TBXAS1: variants seen among roughly 807,000 people sequenced by gnomAD.
TBXAS1 encodes the protein thromboxane-A synthase.
Under a neutral mutation model 60.7 loss-of-function variants are expected in TBXAS1, and 48 were observed. The observed-to-expected ratio is 0.79, with a 90% CI of 0.63 to 1.01. The LOEUF (loss-of-function observed/expected upper bound fraction) is 1.01, where lower values mean the gene tolerates loss of function less well. Ranked by LOEUF, TBXAS1 falls within the 50% of genes least tolerant of loss-of-function variation. The probability of loss-of-function intolerance (pLI) is 0.00; values close to 1 mark genes in which losing one functional copy is unlikely to be tolerated. For synonymous variants in TBXAS1, 287 were observed against 269.7 expected (o/e 1.06, Z -0.63); for missense variants, 685 against 686.3 (o/e 1.00, Z 0.02).
At chr7:139,894,923 A>G (rs1237409041) in intron 3 of TBXAS1, among the ~76,000 whole-genome samples, 1 of 152,238 alleles carries the variant, frequency 6.6e-6, no homozygotes, top group Non-Finnish European at 1.5e-5. Context: ...TTTCCCAAAG[A>G]AAGCTGACAT....
intron 9 of TBXAS1, among the ~76,000 whole-genome samples, chr7:140,001,723 T>C (rs1418250337): frequency 1.3e-5 from 2 of 152,126 alleles, no homozygotes; most frequent in African/African-American, 2.4e-5. Flanking sequence ...ATGACCACAA[T>C]ACCATTATCA....
intron 4 of TBXAS1, among the ~76,000 whole-genome samples, chr7:139,788,977 A>G (rs994155232): frequency 1.3e-5 from 2 of 151,972 alleles, no homozygotes; most frequent in African/African-American, 4.9e-5. Flanking sequence ...AATAAGGGCT[A>G]TAAGATTTTG....
intron 5 of TBXAS1, among the ~76,000 whole-genome samples, chr7:139,941,410 A>G (rs1298212862): frequency 6.8e-6 from 1 of 146,126 alleles, no homozygotes; most frequent in Non-Finnish European, 1.5e-5. Context: ...TCATGAAGCC[A>G]TATTTGTATT....
At chr7:139,990,244 A>C (rs1585017761) in intron 9 of TBXAS1, among the ~76,000 whole-genome samples, 1 of 152,186 alleles carries the variant, frequency 6.6e-6, no homozygotes, top group African/African-American at 2.4e-5. Context: ...CCCCGAGGCC[A>C]TCTGAAAGTG....
chr7:139,876,181 A>G (rs1363864656), intron 3 of TBXAS1, among the ~76,000 whole-genome samples: 4 of 152,178 alleles, frequency 2.6e-5, no homozygotes, highest in Non-Finnish European at 4.4e-5. Flanking sequence ...ACCTAAGACT[A>G]TCCCGGATAT....
At position 139,965,888 on chromosome 7, in the gene TBXAS1, AT is replaced by A. The variant is rs570672163; in HGVS notation, c.1134+3669del. On this transcript the variant is annotated intron_variant, in intron 9 of 12. Coordinates refer to ENST00000448866, the MANE Select transcript of TBXAS1 (RefSeq NM_001061.7). ...TTTCTTTCCTTCTTTTATTTTTTTA[AT>A]TTTTTTTTTTTTTACTATAATCAGA... is the stretch of plus-strand genomic sequence containing the variant. 6.5e-3 allele frequency among the ~76,000 whole-genome samples: 900 copies of A among 138,798 alleles called. 4 individuals carry two copies. The highest frequency in any genetic ancestry group is 9.7e-3 in the Admixed American group (135 of 13,980). 91.1% of individuals were successfully genotyped at this position (138,798 alleles called of 152,430 possible).
chr7:139,885,582 T>C (rs1584765989), intron 3 of TBXAS1, among the ~76,000 whole-genome samples: 1 of 152,228 alleles, frequency 6.6e-6, no homozygotes, highest in Non-Finnish European at 1.5e-5. Context: ...CTCTTCACTC[T>C]GATTGAGAAT....
intron 4 of TBXAS1, among the ~76,000 whole-genome samples, chr7:139,933,753 T>C (rs1401073724): frequency 6.6e-6 from 1 of 151,600 alleles, no homozygotes; most frequent in Non-Finnish European, 1.5e-5. Context: ...GATGACTGGC[T>C]TCATGTTTCA....
intron 1 of TBXAS1, among the ~76,000 whole-genome samples, chr7:139,870,664 A>G (rs1042774889): frequency 6.6e-6 from 1 of 152,208 alleles, no homozygotes; most frequent in Non-Finnish European, 1.5e-5. Context: ...ACATGGACCT[A>G]AATGTGACGT....
At chr7:139,935,775 C>T (rs1177500601) in intron 4 of TBXAS1, among the ~76,000 whole-genome samples, 1 of 151,770 alleles carries the variant, frequency 6.6e-6, no homozygotes, top group Non-Finnish European at 1.5e-5. Flanking sequence ...CCAACCTAAC[C>T]AATCCAGTCA....
At chr7:139,976,203 C>G (rs760318419) in intron 9 of TBXAS1, among the ~76,000 whole-genome samples, 1 of 152,252 alleles carries the variant, frequency 6.6e-6, no homozygotes, top group Non-Finnish European at 1.5e-5. Flanking sequence ...GAGTCACTCT[C>G]CTCCCACTCC....
chr7:139,904,277 G>A (rs201044310), intron 3 of TBXAS1, among the ~76,000 whole-genome samples: 2 of 151,816 alleles, frequency 1.3e-5, no homozygotes, highest in South Asian at 2.1e-4. Context: ...TTTATTTCTG[G>A]GTTCTCTATT....
chr7:139,813,083 TAAAATAA>T (rs1327551189), intron 4 of TBXAS1, among the ~76,000 whole-genome samples: 16 of 5,280 alleles, frequency 3.0e-3, no homozygotes, highest in Admixed American at 6.1e-3. Context: ...ATAAATAAAA[TAAAATAA>T]AATAAAATAA....
rs151097708 is a variant in TBXAS1, at chr7:139,922,303, T to G, written c.333+10982T>G. Among the ~76,000 whole-genome samples, 8 of 152,222 alleles carry G rather than the reference T, an allele frequency of 5.3e-5. 1 individual carries two copies. In the Middle Eastern group the frequency reaches 0.01, roughly 194 times the overall value. ...TTTTAGCAGAGACGGAGTTTCTGCA[T>G]GTTGGTCAGGTTGGTCTCGAATTCC... On this transcript the variant is annotated intron_variant, in intron 4 of 12. Transcript: ENST00000448866.
At chr7:139,829,591 G>A (rs1480587457) in intron 1 of TBXAS1, 112 bp downstream of exon 1, 1 of 973,356 alleles carries the variant, frequency 1.0e-6, no homozygotes, top group Non-Finnish European at 1.6e-6. Context: ...TTCTAATCTA[G>A]CGGGAGTGAG....
chr7:139,866,651 C>T lies in TBXAS1; in HGVS notation c.90-5584C>T, dbSNP rs184764380. Among the ~76,000 whole-genome samples, 443 of 151,190 alleles carry T rather than the reference C, an allele frequency of 2.9e-3. 1 individual carries two copies. The highest frequency in any genetic ancestry group is 4.7e-3 in the Admixed American group (71 of 15,130). Reference sequence around the variant, plus strand: ...CGCACACCTGTAGTCCCAGCTACTTCGGAGGCTGAGGTGAGAGGATCACTT... The same window carrying T: ...CGCACACCTGTAGTCCCAGCTACTTTGGAGGCTGAGGTGAGAGGATCACTT... On this transcript the variant is annotated intron_variant, in intron 1 of 12. Transcript: ENST00000448866.
chr7:139,888,009 C>G (rs1001963308), intron 3 of TBXAS1, among the ~76,000 whole-genome samples: 7 of 152,140 alleles, frequency 4.6e-5, no homozygotes, highest in African/African-American at 1.4e-4. Flanking sequence ...GCCCTGGATC[C>G]CAACTGGTCA....
rs182216726 is a variant in TBXAS1 at position 139,977,323 on chromosome 7, A to G, written c.1134+15090A>G. Among the ~76,000 whole-genome samples, 30 of 152,334 alleles carry G rather than the reference A, an allele frequency of 2.0e-4. No individual in the cohort carries two copies. In the East Asian group the frequency reaches 5.6e-3, roughly 28 times the overall value. Reference sequence around the variant, plus strand: ...ACATCTTACGTGGATGGCGGCAGGCAAAGAGACAGCTTTTGCAGGGAAACT... The same window carrying G: ...ACATCTTACGTGGATGGCGGCAGGCGAAGAGACAGCTTTTGCAGGGAAACT... On this transcript the variant is annotated intron_variant, in intron 9 of 12. Transcript: ENST00000448866.
intron 12 of TBXAS1, among the ~76,000 whole-genome samples, chr7:140,019,347 G>T (rs1158368184): frequency 6.6e-6 from 1 of 152,176 alleles, no homozygotes; most frequent in Non-Finnish European, 1.5e-5. Flanking sequence ...CACGTGTGCG[G>T]GGCTTGTCTC....
Sources: gnomAD v4.1 joint callset for allele counts (sites outside exome capture counted in the v4.1 genomes callset) on GRCh38, gnomAD v4.1.1 for gene constraint, MANE v1.5 for transcripts, NCBI Gene and HGNC (gene_info 2026-07-23, HGNC 2026-07-21) for gene names.